ETHE1: variants seen among roughly 807,000 people sequenced by gnomAD.
ETHE1 encodes ETHE1 persulfide dioxygenase, also known as persulfide dioxygenase ETHE1, mitochondrial.
A neutral mutation model predicts 25.7 loss-of-function variants in ETHE1; 16 were observed. The ratio of observed to expected loss-of-function variants is 0.62; its 90% CI spans 0.42 to 0.95. The LOEUF (loss-of-function observed/expected upper bound fraction) is 0.95. ETHE1 is among the 40% of genes least tolerant of loss of function. ETHE1 has a pLI of 0.00. For synonymous variants in ETHE1, 139 were observed against 135.9 expected (o/e 1.02, Z -0.16); for missense variants, 300 against 333.6 (o/e 0.90, Z 0.79).
chr19:43,518,413 G>A (rs1214796362), intron 3 of ETHE1, among the ~76,000 whole-genome samples: 1 of 151,948 alleles, frequency 6.6e-6, no homozygotes, highest in Non-Finnish European at 1.5e-5. Flanking sequence ...GGTAATTGGA[G>A]ACATCTGAAC....
chr19:43,508,867 G>A lies in ETHE1; in HGVS notation c.506-3C>T. 6.2e-7 allele frequency: 1 copy of A among 1,601,326 alleles called. No individual in the cohort carries two copies. Among genetic ancestry groups the A allele is most frequent in the Non-Finnish European group, 8.5e-7 (1 of 1,173,806 alleles). On this transcript the variant is annotated splice_region_variant and splice_polypyrimidine_tract_variant and intron_variant, in intron 4 of 6. Coordinates refer to ENST00000292147, the MANE Select transcript of ETHE1 (RefSeq NM_014297.5). Reference sequence around the variant, plus strand: ...GTGGTACAAGGTCTTGGCACAGCCTGGGGAAGGAAAGATCAGAGGTCAGTG... The same window carrying A: ...GTGGTACAAGGTCTTGGCACAGCCTAGGGAAGGAAAGATCAGAGGTCAGTG...
chr19:43,510,742 T>C (rs958353939), intron 4 of ETHE1, among the ~76,000 whole-genome samples: 1 of 151,800 alleles, frequency 6.6e-6, no homozygotes, highest in Admixed American at 6.6e-5. Flanking sequence ...AATCTAACTG[T>C]CCCCCAACAG....
intron 3 of ETHE1, among the ~76,000 whole-genome samples, chr19:43,523,264 G>A (rs924949575): frequency 2.6e-5 from 4 of 151,946 alleles, no homozygotes; most frequent in South Asian, 4.2e-4. Flanking sequence ...TTAACAACTC[G>A]GTTTTGTTTG....
intron 3 of ETHE1, among the ~76,000 whole-genome samples, chr19:43,513,266 C>T (rs1599993918): frequency 6.6e-6 from 1 of 152,170 alleles, no homozygotes; most frequent in African/African-American, 2.4e-5. Context: ...CACTGGGGCA[C>T]TGCCCCTAGT....
At chr19:43,511,333 CT>C (rs1276364039) in intron 4 of ETHE1, 103 bp downstream of exon 4, 1 of 1,558,898 alleles carries the variant, frequency 6.4e-7, no homozygotes, top group African/African-American at 1.4e-5. Flanking sequence ...CTGAAGCCCC[CT>C]AAAAGTCTAA....
chr19:43,510,709 A>C (rs1187821175), intron 4 of ETHE1, among the ~76,000 whole-genome samples: 1 of 151,500 alleles, frequency 6.6e-6, no homozygotes, highest in Non-Finnish European at 1.5e-5. Context: ...GCTGGGCTCA[A>C]ATAGGTAACT....
At chr19:43,507,283 C>T (rs1333404937) in intron 6 of ETHE1, among the ~76,000 whole-genome samples, 1 of 138,170 alleles carries the variant, frequency 7.2e-6, no homozygotes, top group Non-Finnish European at 1.6e-5. Context: ...GACCCCCAGC[C>T]CCTCCTCCCT....
intron 5 of ETHE1, 143 bp from the exon 6 acceptor site, chr19:43,508,203 G>T (rs1971834191): frequency 7.5e-7 from 1 of 1,336,328 alleles, no homozygotes; most frequent in Non-Finnish European, 1.0e-6. Flanking sequence ...CTCCTCCATG[G>T]ACACTATGGG....
chr19:43,511,316 T>C, intron 4 of ETHE1, 121 bp downstream of exon 4: 1 of 1,485,474 alleles, frequency 6.7e-7, no homozygotes, highest in Non-Finnish European at 9.3e-7. Context: ...ACTCCTTGAA[T>C]TTAATACTGA....
intron 1 of ETHE1, 146 bp from the exon 2 acceptor site, chr19:43,526,805 C>T: frequency 6.6e-7 from 1 of 1,514,222 alleles, no homozygotes; most frequent in South Asian, 1.2e-5. Context: ...GAGTCCGGAG[C>T]CCCACTACCT....
chr19:43,512,406 T>C (rs1191436787), intron 3 of ETHE1, among the ~76,000 whole-genome samples: 3 of 152,140 alleles, frequency 2.0e-5, no homozygotes, highest in South Asian at 2.1e-4. Flanking sequence ...TGGTCTTACA[T>C]GGAGATGAGG....
At chr19:43,516,701 C>A (rs1417625857) in intron 3 of ETHE1, among the ~76,000 whole-genome samples, 1 of 146,344 alleles carries the variant, frequency 6.8e-6, no homozygotes, top group African/African-American at 2.5e-5. Context: ...TCTCGGCTCA[C>A]TGCAACCTCG....
intron 4 of ETHE1, among the ~76,000 whole-genome samples, chr19:43,511,218 T>C (rs893867232): frequency 1.3e-5 from 2 of 152,138 alleles, no homozygotes; most frequent in African/African-American, 4.8e-5. Flanking sequence ...CCCGAAACTA[T>C]GCCCTGCCAT....
At chr19:43,514,675 G>A (rs1971986009) in intron 3 of ETHE1, among the ~76,000 whole-genome samples, 1 of 151,870 alleles carries the variant, frequency 6.6e-6, no homozygotes, top group African/African-American at 2.4e-5. Flanking sequence ...TAGTAGAGAT[G>A]GGGATTCACC....
rs1393226522 is a variant in ETHE1 at position 43,526,260 on chromosome 19, T to C, written c.316A>G (p.Ser106Gly). The C allele has an allele frequency of 1.2e-6, 2 of 1,614,004 alleles. No individual in the cohort carries two copies. Among genetic ancestry groups the C allele is most frequent in the South Asian group, 1.1e-5 (1 of 91,072 alleles). ...ATGTGTAAGTCAGCCTGGGCCCCAC[T>C]AAGGCGGGAGATGACAGACTGGCAG... is the stretch of plus-strand genomic sequence containing the variant. ...PGCQSVISRLSGAQADLHIED... is the reference protein window; with the variant it reads ...PGCQSVISRLGGAQADLHIED... The change falls in exon 3 of 7, where the codon AGT (serine) becomes GGT (glycine). Residue 106 changes from serine (S) to glycine (G), a missense_variant. Physicochemically the swap from Ser to Gly is moderately conservative, Grantham distance 56 (BLOSUM62 0). Coordinates refer to ENST00000292147, the MANE Select transcript of ETHE1 (RefSeq NM_014297.5).
Position 43,527,179 on chromosome 19 carries a change from G to A in ETHE1, c.-2C>T, listed in dbSNP as rs752344277. 1.3e-6 allele frequency: 2 copies of A among 1,537,256 alleles called. No homozygotes were observed. The highest frequency in any genetic ancestry group is 1.7e-6 in the Non-Finnish European group (2 of 1,146,454). ...GACCCTCAGTACAGCCTCCGCCATCGCGCCCACTGCGGGGTCAGGAATGAG... is the reference window on the plus strand; with the variant it reads ...GACCCTCAGTACAGCCTCCGCCATCACGCCCACTGCGGGGTCAGGAATGAG... On this transcript the variant is annotated 5_prime_UTR_variant, in exon 1 of 7. Transcript: ENST00000292147.
intron 4 of ETHE1, among the ~76,000 whole-genome samples, chr19:43,510,637 GTTTTT>G (rs55975705): frequency 7.0e-6 from 1 of 143,868 alleles, no homozygotes. Context: ...CCAGCCCTTT[GTTTTT>G]TTTTTTTTTT....
intron 3 of ETHE1, among the ~76,000 whole-genome samples, chr19:43,522,382 G>A (rs184378874): frequency 7.5e-4 from 114 of 152,212 alleles, no homozygotes; most frequent in Middle Eastern, 6.8e-3. Flanking sequence ...CTATGCTCAC[G>A]CCAGTGCATA....
chr19:43,515,294 G>A (rs979317287), intron 3 of ETHE1, among the ~76,000 whole-genome samples: 14 of 151,704 alleles, frequency 9.2e-5, no homozygotes, highest in African/African-American at 3.4e-4. Context: ...GCACATGCTT[G>A]TAATCCCAGC....
Sources: gnomAD v4.1 joint callset for allele counts (sites outside exome capture counted in the v4.1 genomes callset) on GRCh38, gnomAD v4.1.1 for gene constraint, MANE v1.5 for transcripts, NCBI Gene and HGNC (gene_info 2026-07-23, HGNC 2026-07-21) for gene names.